Variants in RALY observed in about 807,000 individuals in gnomAD.
RALY encodes RNA-binding protein Raly.
RALY carries 15 observed loss-of-function variants against 30.7 expected under a neutral mutation model. The observed-to-expected ratio is 0.49, with a 90% confidence interval of 0.33 to 0.75. The LOEUF is 0.75. Among genes scored for constraint, RALY ranks in the 30% least tolerant of loss-of-function variants. RALY has a pLI of 0.02. For missense variants in RALY, 339 were observed against 414.3 expected, an observed-to-expected ratio of 0.82 and a Z score of 1.58; for synonymous variants, 177 against 170.8, an observed-to-expected ratio of 1.04 and a Z score of -0.28.
At chr20:34,006,393 AG>A (rs1212458266) in intron 1 of RALY, among the ~76,000 whole-genome samples, 1 of 152,246 alleles carries the variant, frequency 6.6e-6, no homozygotes, top group Non-Finnish European at 1.5e-5. Context: ...AAAGTGTAAC[AG>A]TTCCTCAGTA....
chr20:34,076,244 C>A, intron 6 of RALY: 1 of 679,074 alleles, frequency 1.5e-6, no homozygotes, highest in Non-Finnish European at 2.4e-6. Context: ...CACAGAGAGT[C>A]CAGTGCTGGA....
intron 1 of RALY, among the ~76,000 whole-genome samples, chr20:34,026,089 A>G (rs903178994): frequency 1.3e-5 from 2 of 151,930 alleles, no homozygotes; most frequent in African/African-American, 2.4e-5. Flanking sequence ...TGACAAGAGG[A>G]AGAACCTGCT....
intron 2 of RALY, among the ~76,000 whole-genome samples, chr20:34,055,911 A>G (rs558783427): frequency 1.3e-5 from 2 of 152,244 alleles, no homozygotes; most frequent in South Asian, 2.1e-4. Flanking sequence ...AAAAATCTCT[A>G]TGTTGCTTGA....
chr20:34,074,493 C>T (rs1465923532), intron 5 of RALY, among the ~76,000 whole-genome samples: 1 of 152,158 alleles, frequency 6.6e-6, no homozygotes, highest in African/African-American at 2.4e-5. Context: ...CAGCTTAGCC[C>T]ACCCCAGGCA....
rs186778290 is a variant in RALY at position 34,038,130 on chromosome 20, G to A, written c.-10+6526G>A. Among the ~76,000 whole-genome samples, 748 of 152,272 alleles carry A rather than the reference G, an allele frequency of 4.9e-3. 3 individuals carry two copies. Among genetic ancestry groups the A allele is most frequent in the Admixed American group, 0.011 (168 of 15,292 alleles). On this transcript the variant is annotated intron_variant, in intron 2 of 9. Coordinates refer to ENST00000246194, the MANE Select transcript of RALY (RefSeq NM_016732.3). ...AGGGCTCTGGGCTCTATGAGGTCCC[G>A]GGTTCCCCTGCTTCCTTCCCCAGTT...
At chr20:34,049,965 C>T (rs539424541) in intron 2 of RALY, among the ~76,000 whole-genome samples, 1 of 152,322 alleles carries the variant, frequency 6.6e-6, no homozygotes, top group Admixed American at 6.5e-5. Context: ...CAGATCTAAG[C>T]TGACTGGGGA....
chr20:34,068,145 T>TA (rs1435351263), intron 2 of RALY, among the ~76,000 whole-genome samples: 1 of 152,188 alleles, frequency 6.6e-6, no homozygotes, highest in African/African-American at 2.4e-5. Context: ...ACAATCCTTC[T>TA]ACCCACCTCT....
intron 5 of RALY, among the ~76,000 whole-genome samples, chr20:34,074,801 G>A (rs192146981): frequency 8.1e-4 from 124 of 152,292 alleles, no homozygotes; most frequent in African/African-American, 2.6e-3. Flanking sequence ...CCCCTTGGGG[G>A]CAGAAATGCA....
In RALY at chr20:34,026,901, T is replaced by C. The variant is rs922415376; in HGVS notation, c.-92-4621T>C. ...TATGGAGCTTGAGATTTTGGACTTC[T>C]AGTCCTCAGAATAAGAGTTGCCGGG... On this transcript the variant is annotated intron_variant, in intron 1 of 9. Transcript: ENST00000246194. 3.3e-5 allele frequency among the ~76,000 whole-genome samples: 5 copies of C among 152,222 alleles called. No individual in the cohort carries two copies. In the East Asian group the frequency reaches 9.6e-4, roughly 29 times the overall value.
chr20:33,998,030 G>GC (rs2030723646), intron 1 of RALY, among the ~76,000 whole-genome samples: 1 of 152,230 alleles, frequency 6.6e-6, no homozygotes, highest in South Asian at 2.1e-4. Flanking sequence ...ATTTAGACCA[G>GC]CCACCTGGCT....
At chr20:34,031,094 G>A (rs931907681) in intron 1 of RALY, among the ~76,000 whole-genome samples, 20 of 125,454 alleles carry the variant, frequency 1.6e-4, no homozygotes, top group African/African-American at 6.0e-4. Flanking sequence ...CACCCAGGCT[G>A]TAGTGCAGTG....
intron 1 of RALY, among the ~76,000 whole-genome samples, chr20:34,016,024 A>C (rs2268081): frequency 0.086 from 13,122 of 152,024 alleles, 643 homozygotes; most frequent in African/African-American, 0.13. Flanking sequence ...TGTGCTACCA[A>C]AGTATCTGCA....
chr20:34,048,065 G>C (rs1415639921), intron 2 of RALY, among the ~76,000 whole-genome samples: 1 of 152,226 alleles, frequency 6.6e-6, no homozygotes, highest in African/African-American at 2.4e-5. Context: ...GAGCAGAGCA[G>C]GTAGCTCAGG....
intron 1 of RALY, among the ~76,000 whole-genome samples, chr20:34,010,304 C>T (rs1256236736): frequency 6.6e-6 from 1 of 152,214 alleles, no homozygotes; most frequent in Non-Finnish European, 1.5e-5. Context: ...TCTCAGCTCA[C>T]TGCACCCTCT....
At chr20:34,075,824 C>G (rs1234807571) in intron 5 of RALY, 50 bp from the exon 6 acceptor site, 2 of 1,573,884 alleles carry the variant, frequency 1.3e-6, no homozygotes, top group Non-Finnish European at 8.6e-7. Context: ...GCAATACCGC[C>G]CTGGTGGCCA....
intron 1 of RALY, among the ~76,000 whole-genome samples, chr20:34,018,228 A>G (rs926754413): frequency 1.3e-5 from 2 of 152,374 alleles, no homozygotes; most frequent in East Asian, 3.9e-4. Flanking sequence ...GCAGTAATGC[A>G]GGTGCAGCAG....
chr20:34,053,927 A>G (rs1192968977), intron 2 of RALY, among the ~76,000 whole-genome samples: 1 of 151,998 alleles, frequency 6.6e-6, no homozygotes, highest in Non-Finnish European at 1.5e-5. Context: ...TATACATACT[A>G]CCCACTACAG....
intron 2 of RALY, among the ~76,000 whole-genome samples, chr20:34,034,954 C>T (rs2032424833): frequency 6.6e-6 from 1 of 151,916 alleles, no homozygotes; most frequent in South Asian, 2.1e-4. Context: ...AGATCGAGAC[C>T]ATCCTGGCTA....
intron 2 of RALY, among the ~76,000 whole-genome samples, chr20:34,067,504 A>C (rs2033608476): frequency 6.6e-6 from 1 of 152,002 alleles, no homozygotes; most frequent in African/African-American, 2.4e-5. Flanking sequence ...TGGGTGTCTC[A>C]TTTACCCAAA....
Sources: gnomAD v4.1 joint callset for allele counts (sites outside exome capture counted in the v4.1 genomes callset) on GRCh38, gnomAD v4.1.1 for gene constraint, MANE v1.5 for transcripts, NCBI Gene and HGNC (gene_info 2026-07-23, HGNC 2026-07-21) for gene names.